The following USP32 variants were observed in gnomAD, a reference collection of about 807,000 sequenced individuals.
The protein encoded by USP32 is ubiquitin carboxyl-terminal hydrolase 32.
In USP32, 59 loss-of-function variants were observed where a neutral mutation model predicts 204.8. The observed-to-expected ratio is 0.29, with a 90% CI of 0.23 to 0.36. USP32 has a LOEUF of 0.36. Ranked by LOEUF, USP32 falls within the 10% of genes least tolerant of loss-of-function variation. USP32 has a pLI of 1.00. For synonymous variants in USP32, 517 were observed against 678.4 expected (o/e 0.76, Z 3.70); for missense variants, 1,160 against 1,946.4 (o/e 0.60, Z 7.60).
chr17:60,339,688 T>G (rs1452871698), intron 2 of USP32, among the ~76,000 whole-genome samples: 1 of 152,096 alleles, frequency 6.6e-6, no homozygotes, highest in East Asian at 1.9e-4. Context: ...AAGTAAAAAT[T>G]GGAGCTCCAT....
At position 60,255,363 on chromosome 17, in the gene USP32, T is replaced by G. The variant is rs895691920; in HGVS notation, c.991-105A>C. 44 of 827,844 alleles carry G rather than the reference T, an allele frequency of 5.3e-5. 1 individual carries two copies. The highest frequency in any genetic ancestry group is 7.1e-5 in the Non-Finnish European group (40 of 561,322). 51.3% of individuals were successfully genotyped at this position (827,844 alleles called of 1,614,324 possible). ...CCTGGGCTGGAGTGCAATGGCACGA[T>G]CTTGGCTCACTGAAACCTCGGCCTC... On this transcript the variant is annotated intron_variant, in intron 9 of 33. Coordinates refer to ENST00000300896, the MANE Select transcript of USP32 (RefSeq NM_032582.4).
intron 1 of USP32, among the ~76,000 whole-genome samples, chr17:60,363,337 C>T (rs1249596131): frequency 6.6e-6 from 1 of 151,108 alleles, no homozygotes; most frequent in East Asian, 2.0e-4. Context: ...CACCTGTAGT[C>T]CCAACTACTC....
intron 9 of USP32, among the ~76,000 whole-genome samples, chr17:60,261,747 TTA>T (rs1301178656): frequency 6.6e-6 from 1 of 152,218 alleles, no homozygotes; most frequent in Non-Finnish European, 1.5e-5. Flanking sequence ...TAAGAACCTT[TTA>T]TATCTAACAG....
chr17:60,389,165 G>A (rs900401136), intron 1 of USP32, among the ~76,000 whole-genome samples: 2 of 152,212 alleles, frequency 1.3e-5, no homozygotes, highest in Non-Finnish European at 1.5e-5. Context: ...TAAACAAGTA[G>A]ATGAAACCAA....
At chr17:60,323,377 T>C (rs1286729567) in intron 2 of USP32, among the ~76,000 whole-genome samples, 1 of 152,224 alleles carries the variant, frequency 6.6e-6, no homozygotes, top group Non-Finnish European at 1.5e-5. Flanking sequence ...CAGAAAATCA[T>C]GATTTCATTT....
rs1195912333 is a variant in USP32 at position 60,265,487 on chromosome 17, C to T, written c.928-13G>A. 1.3e-6 allele frequency: 2 copies of T among 1,532,070 alleles called. No individual in the cohort carries two copies. The highest frequency in any genetic ancestry group is 1.1e-5 in the South Asian group (1 of 87,754). 94.9% of individuals were successfully genotyped at this position (1,532,070 alleles called of 1,614,324 possible). Reference sequence around the variant, plus strand: ...CCATATGTAATTCCTTTAAAAATAACCCAAAGGAGTAATTAGAAAACAGTG... The same window carrying T: ...CCATATGTAATTCCTTTAAAAATAATCCAAAGGAGTAATTAGAAAACAGTG... On this transcript the variant is annotated splice_polypyrimidine_tract_variant and intron_variant, in intron 8 of 33. Transcript: ENST00000300896.
At chr17:60,302,113 G>GTTTA (rs141481291) in intron 2 of USP32, among the ~76,000 whole-genome samples, 1,788 of 141,604 alleles carry the variant, frequency 0.013, 24 homozygotes, top group African/African-American at 0.034. Context: ...TATTTTGTTT[G>GTTTA]TTTATTTATT....
intron 3 of USP32, among the ~76,000 whole-genome samples, chr17:60,298,297 C>T (rs2087490049): frequency 6.6e-6 from 1 of 152,168 alleles, no homozygotes; most frequent in South Asian, 2.1e-4. Context: ...TGCACAGTAC[C>T]TGTTTGGGGT....
intron 17 of USP32, among the ~76,000 whole-genome samples, chr17:60,213,959 T>A (rs1044442714): frequency 2.0e-5 from 3 of 151,748 alleles, no homozygotes; most frequent in African/African-American, 4.8e-5. Context: ...TTTTTTTTTT[T>A]AAAGATGGAG....
At chr17:60,349,596 A>AAAAAAAAAAAAAT (rs1555618242) in intron 1 of USP32, among the ~76,000 whole-genome samples, 2 of 65,202 alleles carry the variant, frequency 3.1e-5, no homozygotes, top group African/African-American at 1.5e-4. Context: ...AAAAAAAAAA[A>AAAAAAAAAAAAAT]ATATATATAT....
intron 1 of USP32, among the ~76,000 whole-genome samples, chr17:60,363,076 G>GAC: frequency 6.6e-6 from 1 of 152,098 alleles, no homozygotes; most frequent in East Asian, 1.9e-4. Context: ...GATCACATGA[G>GAC]ACCAAGAGTT....
upstream of USP32, among the ~76,000 whole-genome samples, chr17:60,394,953 A>G (rs532795330): frequency 2.8e-4 from 42 of 152,288 alleles, no homozygotes; most frequent in African/African-American, 9.6e-4. Context: ...CATGTTGGCC[A>G]GGCTGGTCTC....
Position 60,406,675 on chromosome 17 carries a change from C to A in USP32, c.106+15571G>T, listed in dbSNP as rs2089978765. ...TGATTACAGGCACGCGCCACCACGC[C>A]CAGCTAATTTTTGTATTTTTAGTAG... is the stretch of plus-strand genomic sequence containing the variant. On this transcript the variant is annotated intron_variant, in intron 1 of 3. Coordinates refer to the USP32 transcript ENST00000588898. Among the ~76,000 whole-genome samples, 4 of 151,980 alleles carry A rather than the reference C, an allele frequency of 2.6e-5. No individual in the cohort carries two copies. In the South Asian group the frequency reaches 8.3e-4, roughly 31 times the overall value.
chr17:60,256,647 A>T (rs996372011), intron 9 of USP32: 33 of 1,026,008 alleles, frequency 3.2e-5, no homozygotes, highest in Non-Finnish European at 3.5e-5. Context: ...GGTTAACAGG[A>T]GTGTCTAAAT....
intron 26 of USP32, 78 bp from the exon 27 acceptor site, chr17:60,198,522 C>T: frequency 6.0e-6 from 9 of 1,490,696 alleles, no homozygotes; most frequent in Non-Finnish European, 7.3e-6. Flanking sequence ...TAAATGCCTG[C>T]CAATGACAGG....
intron 1 of USP32, among the ~76,000 whole-genome samples, chr17:60,346,531 A>T (rs2088789650): frequency 6.6e-6 from 1 of 152,244 alleles, no homozygotes; most frequent in African/African-American, 2.4e-5. Context: ...GATGATATTA[A>T]CAAACTAAAA....
At chr17:60,406,912 A>C (rs2089980298) in intron 1 of USP32, among the ~76,000 whole-genome samples, 1 of 152,088 alleles carries the variant, frequency 6.6e-6, no homozygotes, top group Admixed American at 6.6e-5. Flanking sequence ...GAAACAGAGG[A>C]CTTTTGTTTC....
At chr17:60,308,651 G>T (rs2145911802) in intron 2 of USP32, among the ~76,000 whole-genome samples, 1 of 152,360 alleles carries the variant, frequency 6.6e-6, no homozygotes, top group South Asian at 2.1e-4. Flanking sequence ...AACTAGGCTG[G>T]ATGCGGTGGC....
At chr17:60,364,877 A>C (rs1006302029) in intron 1 of USP32, among the ~76,000 whole-genome samples, 3 of 152,206 alleles carry the variant, frequency 2.0e-5, no homozygotes, top group African/African-American at 7.2e-5. Flanking sequence ...TCTATATACA[A>C]GTCAAACCTT....
Sources: allele counts gnomAD v4.1 joint callset (sites outside exome capture counted in the v4.1 genomes callset), GRCh38; gene constraint gnomAD v4.1.1; transcripts MANE v1.5; gene names NCBI Gene and HGNC (gene_info 2026-07-23, HGNC 2026-07-21).